The following TRPC4 variants were observed in gnomAD, a reference collection of about 807,000 sequenced individuals.
The protein encoded by TRPC4 is short transient receptor potential channel 4.
A neutral mutation model predicts 99.4 loss-of-function variants in TRPC4; 49 were observed. That is an observed-to-expected ratio of 0.49 (90% CI 0.39 to 0.63). The LOEUF (loss-of-function observed/expected upper bound fraction) is 0.63, where lower values mean the gene tolerates loss of function less well. TRPC4 is among the 20% of genes least tolerant of loss of function. TRPC4 has a pLI of 0.00. For synonymous variants in TRPC4, 454 were observed against 425.9 expected (o/e 1.07, Z -0.81); for missense variants, 898 against 1,152.9 (o/e 0.78, Z 3.20).
intron 1 of TRPC4, among the ~76,000 whole-genome samples, chr13:37,843,489 C>T (rs1352823275): frequency 6.6e-6 from 1 of 152,076 alleles, no homozygotes; most frequent in Non-Finnish European, 1.5e-5. Flanking sequence ...AATGCAGTAA[C>T]ACAAAACTAG....
At chr13:37,781,741 GT>G (rs1247584155) in intron 2 of TRPC4, among the ~76,000 whole-genome samples, 1 of 152,066 alleles carries the variant, frequency 6.6e-6, no homozygotes, top group Non-Finnish European at 1.5e-5. Flanking sequence ...GTGGAGTGCT[GT>G]TTTATCAAAG....
rs752186191 is a variant in TRPC4 at position 37,674,312 on chromosome 13, G to T, written c.1290C>A (p.Ile430=). The change falls in exon 5 of 11, where the codon ATC becomes ATA. Residue 430 remains isoleucine (I), a synonymous_variant. Coordinates refer to ENST00000379705, the MANE Select transcript of TRPC4 (RefSeq NM_016179.4). ...QMWDGGLQDY[I]HDWWNLMDFV... is the part of the protein sequence containing the mutation. The stretch of plus-strand genomic sequence containing the variant: ...AGTCCATTAGATTCCACCAATCATG[G>T]ATGTAGTCCTGAAGTCCGCCATCCC... 5 of 1,607,668 alleles carry T rather than the reference G, an allele frequency of 3.1e-6. No homozygotes were observed. In the South Asian group the frequency reaches 5.7e-5, roughly 18 times the overall value.
chr13:37,655,302 G>A lies in TRPC4; in HGVS notation c.1689-19C>T, dbSNP rs1379730806. 6.9e-7 allele frequency: 1 copy of A among 1,442,922 alleles called. No individual in the cohort carries two copies. Among genetic ancestry groups the A allele is most frequent in the Non-Finnish European group, 9.2e-7 (1 of 1,082,324 alleles). 89.4% of individuals were successfully genotyped at this position (1,442,922 alleles called of 1,614,324 possible). ...AAATAACCTGTAATAAAGATAAAAT[G>A]ATACTAATAGCTATATTAATGGAAT... On this transcript the variant is annotated intron_variant, in intron 6 of 10. Coordinates refer to ENST00000379705, the MANE Select transcript of TRPC4 (RefSeq NM_016179.4).
intron 1 of TRPC4, among the ~76,000 whole-genome samples, chr13:37,866,845 G>T (rs12017535): frequency 0.038 from 1,867 of 48,954 alleles, 43 homozygotes; most frequent in Middle Eastern, 0.054. Flanking sequence ...TTTATTTTTT[G>T]TGGGGGGGGG....
chr13:37,651,151 A>G (rs1952032233), intron 8 of TRPC4, 114 bp downstream of exon 8: 1 of 1,150,420 alleles, frequency 8.7e-7, no homozygotes, highest in South Asian at 1.5e-5. Flanking sequence ...TGTTCATGAC[A>G]TGCAATCAGT....
At chr13:37,759,483 T>C (rs964720222) in intron 2 of TRPC4, among the ~76,000 whole-genome samples, 4 of 151,704 alleles carry the variant, frequency 2.6e-5, no homozygotes, top group Non-Finnish European at 5.9e-5. Flanking sequence ...TACAATAAAA[T>C]GCATTTGCAA....
In TRPC4 at chr13:37,797,597, T is replaced by C. The variant is rs61553879; in HGVS notation, c.-27-14237A>G. On this transcript the variant is annotated intron_variant, in intron 1 of 10. Transcript: ENST00000379705. ...ACTTTTAATTTTTTCCTCAGTCTTCTCATGTCCTTTGAATTTACCAGTCAA... is the reference window on the plus strand; with the variant it reads ...ACTTTTAATTTTTTCCTCAGTCTTCCCATGTCCTTTGAATTTACCAGTCAA... Among the ~76,000 whole-genome samples, 620 of 152,320 alleles carry C rather than the reference T, an allele frequency of 4.1e-3. 3 individuals are homozygous for C. Among genetic ancestry groups the C allele is most frequent in the African/African-American group, 0.014 (593 of 41,584 alleles).
rs758740110 is a variant in TRPC4, at chr13:37,655,193, A to G, written c.1779T>C (p.Thr593=). The G allele has an allele frequency of 6.2e-7, 1 of 1,609,298 alleles. No homozygotes were observed. The highest frequency in any genetic ancestry group is 8.5e-7 in the Non-Finnish European group (1 of 1,177,326). Residue 593 remains threonine, a synonymous_variant, in exon 7 of 11, where the codon ACT becomes ACC. Coordinates refer to ENST00000379705, the MANE Select transcript of TRPC4 (RefSeq NM_016179.4). Reference sequence around the variant, plus strand: ...CAAACATGGTGGCACCAACAAACTCAGTAAATTCATGCTGTGCTTTGACAT... The same window carrying G: ...CAAACATGGTGGCACCAACAAACTCGGTAAATTCATGCTGTGCTTTGACAT... ...VTNVKAQHEF[T]EFVGATMFGT... is the part of the protein sequence containing the mutation.
chr13:37,689,591 T>G (rs1223500485), intron 4 of TRPC4, among the ~76,000 whole-genome samples: 1 of 152,232 alleles, frequency 6.6e-6, no homozygotes, highest in African/African-American at 2.4e-5. Flanking sequence ...GAGACAATGT[T>G]GCCTATAGCA....
At chr13:37,752,488 C>T (rs748938718) in intron 2 of TRPC4, among the ~76,000 whole-genome samples, 2 of 151,890 alleles carry the variant, frequency 1.3e-5, no homozygotes, top group African/African-American at 4.8e-5. Flanking sequence ...AAGGAAGAGC[C>T]GGTCACAGAT....
At chr13:37,704,289 T>A (rs1451077098) in intron 3 of TRPC4, among the ~76,000 whole-genome samples, 1 of 152,194 alleles carries the variant, frequency 6.6e-6, no homozygotes, top group Non-Finnish European at 1.5e-5. Context: ...TCTTAATTTG[T>A]TTATGTTTTC....
chr13:37,741,138 C>T (rs1955577869), intron 3 of TRPC4, among the ~76,000 whole-genome samples: 1 of 152,164 alleles, frequency 6.6e-6, no homozygotes, highest in South Asian at 2.1e-4. Flanking sequence ...ATCTAGGCTA[C>T]TCTACCTTTT....
chr13:37,655,379 AT>A, intron 6 of TRPC4, 96 bp from the exon 7 acceptor site: 1 of 409,962 alleles, frequency 2.4e-6, no homozygotes, highest in Non-Finnish European at 3.7e-6. Context: ...ATATATATAT[AT>A]ATATAATTAA....
Position 37,637,428 on chromosome 13 carries a change from A to T in TRPC4, c.2409T>A (p.Ile803=). The change falls in exon 11 of 11, where the codon ATT becomes ATA. Residue 803 remains isoleucine, a synonymous_variant. Transcript: ENST00000379705. ...NFSLFDLTTL[I]HPRSAAIASE... ...AGGCAATTGCTGCTGATCTCGGATG[A>T]ATCAGGGTGGTTAAATCAAAAAGGC... is the stretch of plus-strand genomic sequence containing the variant. The T allele has an allele frequency of 6.2e-7, 1 of 1,613,698 alleles. No individual in the cohort carries two copies.
At chr13:37,702,653 A>C (rs932430096) in intron 3 of TRPC4, among the ~76,000 whole-genome samples, 1 of 152,166 alleles carries the variant, frequency 6.6e-6, no homozygotes, top group Admixed American at 6.6e-5. Flanking sequence ...TTATTTTGTC[A>C]CAAGGATTGA....
At chr13:37,794,965 A>G (rs1037984799) in intron 1 of TRPC4, among the ~76,000 whole-genome samples, 1 of 152,162 alleles carries the variant, frequency 6.6e-6, no homozygotes, top group African/African-American at 2.4e-5. Context: ...TGAACATCAT[A>G]CAGTTAGAAT....
At chr13:37,867,198 T>C (rs1959818040) in intron 1 of TRPC4, among the ~76,000 whole-genome samples, 1 of 152,042 alleles carries the variant, frequency 6.6e-6, no homozygotes. Flanking sequence ...TACTGCTTAG[T>C]ATTTCTCATA....
chr13:37,733,993 C>T (rs1480262775), intron 3 of TRPC4, among the ~76,000 whole-genome samples: 1 of 152,004 alleles, frequency 6.6e-6, no homozygotes, highest in African/African-American at 2.4e-5. Flanking sequence ...TGAGCTGAGA[C>T]CCAACAGAGG....
chr13:37,720,272 T>G (rs529181473), intron 3 of TRPC4, among the ~76,000 whole-genome samples: 2 of 152,158 alleles, frequency 1.3e-5, no homozygotes, highest in Non-Finnish European at 2.9e-5. Flanking sequence ...AAGAGAAAAC[T>G]AATTAATGTA....
Sources: allele counts gnomAD v4.1 joint callset (sites outside exome capture counted in the v4.1 genomes callset), GRCh38; gene constraint gnomAD v4.1.1; transcripts MANE v1.5; gene names NCBI Gene and HGNC (gene_info 2026-07-23, HGNC 2026-07-21).